Variants in SH3GL2 observed in about 807,000 individuals in gnomAD.
SH3GL2 encodes the protein SH3 domain containing GRB2 like 2, endophilin A1, also known as endophilin-A1.
Under a neutral mutation model 46.0 loss-of-function variants are expected in SH3GL2, and 24 were observed. The observed-to-expected ratio is 0.52, with a 90% CI of 0.38 to 0.73. SH3GL2 has a LOEUF of 0.73. Ranked by LOEUF, SH3GL2 falls within the 30% of genes least tolerant of loss-of-function variation. SH3GL2 has a pLI of 0.00. For synonymous variants in SH3GL2, 196 were observed against 147.1 expected (o/e 1.33, Z -2.40); for missense variants, 413 against 424.2 (o/e 0.97, Z 0.23).
chr9:17,614,416 G>A (rs1818940770), intron 1 of SH3GL2, among the ~76,000 whole-genome samples: 1 of 150,522 alleles, frequency 6.6e-6, no homozygotes, highest in Admixed American at 6.7e-5. Flanking sequence ...GAGCCCTTGT[G>A]TCAAGGAAAT....
chr9:17,595,914 G>A (rs1028551920), intron 1 of SH3GL2, among the ~76,000 whole-genome samples: 3 of 152,100 alleles, frequency 2.0e-5, no homozygotes, highest in African/African-American at 7.2e-5. Flanking sequence ...CATTTGAACA[G>A]TGATTATTCC....
chr9:17,721,271 G>C (rs1265170331), intron 1 of SH3GL2, among the ~76,000 whole-genome samples: 1 of 152,032 alleles, frequency 6.6e-6, no homozygotes, highest in Non-Finnish European at 1.5e-5. Context: ...CCATTTCAGG[G>C]TTTATTTCAG....
intron 5 of SH3GL2, 51 bp downstream of exon 5, chr9:17,787,564 C>G: frequency 6.7e-7 from 1 of 1,486,094 alleles, no homozygotes; most frequent in Non-Finnish European, 9.3e-7. Context: ...CATACAGATG[C>G]AGATGCCTTT....
rs73424506 is a variant in SH3GL2, at chr9:17,766,620, T to G, written c.187+5111T>G. On this transcript the variant is annotated intron_variant, in intron 3 of 8. Coordinates refer to ENST00000380607, the MANE Select transcript of SH3GL2 (RefSeq NM_003026.5). The stretch of plus-strand genomic sequence containing the variant: ...AATTGTCTTTAATAATATATTTTAT[T>G]TAACCCATTATAGCCAAAATATTAA... 6.5e-3 allele frequency among the ~76,000 whole-genome samples: 985 copies of G among 152,322 alleles called. 12 individuals carry two copies. The highest frequency in any genetic ancestry group is 0.023 in the African/African-American group (937 of 41,568).
At chr9:17,613,801 C>G (rs1452915632) in intron 1 of SH3GL2, among the ~76,000 whole-genome samples, 1 of 152,172 alleles carries the variant, frequency 6.6e-6, no homozygotes, top group Non-Finnish European at 1.5e-5. Flanking sequence ...GGCACACGGA[C>G]ATTTGGAAAT....
intron 1 of SH3GL2, among the ~76,000 whole-genome samples, chr9:17,742,007 C>T (rs1344646906): frequency 3.3e-5 from 5 of 152,040 alleles, no homozygotes; most frequent in Admixed American, 3.3e-4. Context: ...ACAAACAGCA[C>T]ATTTGGTGGA....
At chr9:17,783,683 A>C (rs1823875582) in intron 3 of SH3GL2, among the ~76,000 whole-genome samples, 1 of 152,136 alleles carries the variant, frequency 6.6e-6, no homozygotes. Flanking sequence ...AAAACAGTGG[A>C]GCCCTTTTGG....
intron 1 of SH3GL2, among the ~76,000 whole-genome samples, chr9:17,631,184 T>C (rs376461425): frequency 1.4e-4 from 21 of 152,276 alleles, no homozygotes; most frequent in African/African-American, 4.6e-4. Flanking sequence ...TATTTCACAT[T>C]TGTAGGCTTG....
At chr9:17,684,864 G>A (rs1728910813) in intron 1 of SH3GL2, among the ~76,000 whole-genome samples, 2 of 152,046 alleles carry the variant, frequency 1.3e-5, no homozygotes, top group Admixed American at 1.3e-4. Flanking sequence ...GCAAATATAA[G>A]TGATCTTATT....
At chr9:17,616,772 A>G (rs1194786270) in intron 1 of SH3GL2, among the ~76,000 whole-genome samples, 1 of 152,162 alleles carries the variant, frequency 6.6e-6, no homozygotes, top group African/African-American at 2.4e-5. Flanking sequence ...TTGGTTTAGT[A>G]GATTTTTGCA....
intron 1 of SH3GL2, among the ~76,000 whole-genome samples, chr9:17,727,303 A>T (rs920228822): frequency 6.6e-6 from 1 of 152,220 alleles, no homozygotes; most frequent in East Asian, 1.9e-4. Flanking sequence ...GGTGTCAACT[A>T]TGTAAAGTGT....
At chr9:17,742,937 G>A (rs187670964) in intron 1 of SH3GL2, among the ~76,000 whole-genome samples, 1 of 152,214 alleles carries the variant, frequency 6.6e-6, no homozygotes, top group Non-Finnish European at 1.5e-5. Flanking sequence ...TAGGTGAACA[G>A]TTTCTCAAAT....
intron 1 of SH3GL2, among the ~76,000 whole-genome samples, chr9:17,676,038 G>A (rs1158691506): frequency 6.6e-6 from 1 of 152,228 alleles, no homozygotes; most frequent in Non-Finnish European, 1.5e-5. Flanking sequence ...CTTAGAAGCT[G>A]TGTGTAACCA....
intron 3 of SH3GL2, among the ~76,000 whole-genome samples, chr9:17,777,438 G>T (rs1823671640): frequency 6.6e-6 from 1 of 152,128 alleles, no homozygotes; most frequent in Non-Finnish European, 1.5e-5. Context: ...AAGTATATGG[G>T]TTGAGTGATA....
At chr9:17,678,620 A>G (rs894156522) in intron 1 of SH3GL2, among the ~76,000 whole-genome samples, 3 of 152,128 alleles carry the variant, frequency 2.0e-5, no homozygotes, top group African/African-American at 7.2e-5. Context: ...TGCTGTGCAG[A>G]AGCTCTTTAG....
At chr9:17,614,332 C>G (rs1818939349) in intron 1 of SH3GL2, among the ~76,000 whole-genome samples, 1 of 130,538 alleles carries the variant, frequency 7.7e-6, no homozygotes, top group Admixed American at 8.4e-5. Flanking sequence ...AATCCTTGCC[C>G]CTTTTAGATT....
intron 1 of SH3GL2, among the ~76,000 whole-genome samples, chr9:17,733,284 T>C (rs1262431550): frequency 6.6e-6 from 1 of 152,068 alleles, no homozygotes; most frequent in African/African-American, 2.4e-5. Flanking sequence ...TTTCATTTTT[T>C]TATTATTATA....
chr9:17,721,344 A>G (rs1821889572), intron 1 of SH3GL2, among the ~76,000 whole-genome samples: 1 of 152,078 alleles, frequency 6.6e-6, no homozygotes. Flanking sequence ...AATTTAAACA[A>G]TCTATATTCT....
intron 1 of SH3GL2, among the ~76,000 whole-genome samples, chr9:17,690,020 T>A (rs767312618): frequency 1.3e-5 from 2 of 152,100 alleles, no homozygotes; most frequent in African/African-American, 2.4e-5. Context: ...ATTGTGCCCC[T>A]TAGTTTCCTC....
Sources: allele counts gnomAD v4.1 joint callset (sites outside exome capture counted in the v4.1 genomes callset), GRCh38; gene constraint gnomAD v4.1.1; transcripts MANE v1.5; gene names NCBI Gene and HGNC (gene_info 2026-07-23, HGNC 2026-07-21).